MID1: variants seen among roughly 807,000 people sequenced by gnomAD.
The protein encoded by MID1 is midline 1.
Under a neutral mutation model 40.4 loss-of-function variants are expected in MID1, and 7 were observed. The observed-to-expected ratio is 0.17, with a 90% CI of 0.10 to 0.33. The LOEUF (loss-of-function observed/expected upper bound fraction) is 0.33. Among genes scored for constraint, MID1 ranks in the 10% least tolerant of loss-of-function variants. The probability of loss-of-function intolerance (pLI) is 1.00; values close to 1 mark genes in which losing one functional copy is unlikely to be tolerated. For synonymous variants in MID1, 229 were observed against 221.2 expected (o/e 1.04, Z -0.31); for missense variants, 367 against 558.5 (o/e 0.66, Z 3.46).
intron 1 of MID1, among the ~76,000 whole-genome samples, chrX:10,650,757 C>T (rs1332618513): frequency 1.8e-5 from 2 of 111,766 alleles, no homozygotes; most frequent in African/African-American, 6.5e-5. Context: ...CCCCTGCCCA[C>T]GGTAGTAATA....
At chrX:10,488,932 T>C in intron 4 of MID1, among the ~76,000 whole-genome samples, 1 of 111,276 alleles carries the variant, frequency 9.0e-6, no homozygotes, top group Non-Finnish European at 1.9e-5. Context: ...TTGTGGGACT[T>C]TGTGATTGTG....
intron 1 of MID1, among the ~76,000 whole-genome samples, chrX:10,728,518 T>C (rs2043415800): frequency 8.9e-6 from 1 of 112,537 alleles, no homozygotes; most frequent in Non-Finnish European, 1.9e-5. Context: ...TAATGTTTGC[T>C]TCTATTATAT....
intron 1 of MID1, among the ~76,000 whole-genome samples, chrX:10,768,774 G>A (rs982504096): frequency 9.0e-6 from 1 of 111,648 alleles, no homozygotes; most frequent in African/African-American, 3.3e-5. Context: ...GGACATTTCC[G>A]GCAGGGTTAT....
upstream of MID1, among the ~76,000 whole-genome samples, chrX:10,620,791 C>T (rs937909774): frequency 1.8e-5 from 2 of 112,350 alleles, no homozygotes; most frequent in Non-Finnish European, 3.8e-5. Flanking sequence ...TCTAGTTCTG[C>T]TAAAAGCTTA....
chrX:10,535,800 G>C (rs752618045), intron 2 of MID1, among the ~76,000 whole-genome samples: 1 of 112,010 alleles, frequency 8.9e-6, no homozygotes, highest in East Asian at 2.8e-4. Flanking sequence ...AAATTCTGAC[G>C]ACAAAAGAAT....
chrX:10,736,056 A>T (rs1219558221), intron 1 of MID1, among the ~76,000 whole-genome samples: 1 of 112,101 alleles, frequency 8.9e-6, no homozygotes, highest in Non-Finnish European at 1.9e-5. Context: ...GTTAGTTATG[A>T]TATCTTTAAT....
intron 2 of MID1, among the ~76,000 whole-genome samples, chrX:10,525,556 C>G (rs1932814141): frequency 8.9e-6 from 1 of 112,402 alleles, no homozygotes; most frequent in Non-Finnish European, 1.9e-5. Flanking sequence ...TGTCTGACAG[C>G]TCATACGATG....
chrX:10,589,714 G>A (rs1161898922), intron 1 of MID1: 1 of 110,484 alleles, frequency 9.1e-6, no homozygotes, highest in African/African-American at 3.3e-5. Flanking sequence ...TGCCTACCCG[G>A]GAGCGCTCTC....
intron 4 of MID1, among the ~76,000 whole-genome samples, chrX:10,483,696 G>C (rs933881441): frequency 8.9e-6 from 1 of 111,959 alleles, no homozygotes; most frequent in African/African-American, 3.2e-5. Flanking sequence ...CTGGCCCAAG[G>C]CTCTCTCCAG....
At chrX:10,659,585 T>C (rs2042897851) in intron 1 of MID1, among the ~76,000 whole-genome samples, 1 of 112,101 alleles carries the variant, frequency 8.9e-6, no homozygotes, top group Non-Finnish European at 1.9e-5. Flanking sequence ...ATTAAAATTA[T>C]TTATGTTTTT....
chrX:10,482,405 G>A, intron 5 of MID1, 75 bp downstream of exon 5: 1 of 1,073,750 alleles, frequency 9.3e-7, no homozygotes. Flanking sequence ...AGCAAGGCGA[G>A]GGCAAGACCA....
At chrX:10,513,539 G>A (rs1352491720) in intron 3 of MID1, among the ~76,000 whole-genome samples, 2 of 112,111 alleles carry the variant, frequency 1.8e-5, no homozygotes, top group African/African-American at 3.2e-5. Context: ...GACAGAGTCT[G>A]GCTCTATTGC....
Position 10,449,410 on chromosome X carries a change from G to A in MID1, c.1962C>T (p.Leu654=). The A allele has an allele frequency of 8.3e-7, 1 of 1,211,766 alleles. No individual in the cohort carries two copies. Among genetic ancestry groups the A allele is most frequent in the Non-Finnish European group, 1.1e-6 (1 of 895,470 alleles). Residue 654 remains leucine (L), a synonymous_variant, in exon 10 of 10, where the codon CTC becomes CTT. Transcript: ENST00000317552. Reference sequence around the variant, plus strand: ...TGCAGTCCAAATGGTCTGGGATAGGGAGCCCAGTGATAATCGTCAGACACT... The same window carrying A: ...TGCAGTCCAAATGGTCTGGGATAGGAAGCCCAGTGATAATCGTCAGACACT... ...WNKCLTIITG[L]PIPDHLDCTE... is the part of the protein sequence containing the mutation.
At chrX:10,516,464 G>A (rs1932419625) in intron 3 of MID1, among the ~76,000 whole-genome samples, 1 of 110,161 alleles carries the variant, frequency 9.1e-6, no homozygotes. Context: ...AAAGTGCTGG[G>A]ATTACAGGCG....
Position 10,449,337 on chromosome X carries a change from C to T in MID1, c.*31G>A, listed in dbSNP as rs185219958. 756 of 1,140,465 alleles carry T rather than the reference C, an allele frequency of 6.6e-4. 4 individuals are homozygous for T. The African/African-American group carries it at 0.012, about 17-fold the overall frequency. The allele number at this position is 1,140,465 out of a possible 1,213,427, so 94.0% of individuals were successfully genotyped here. A position where few individuals can be genotyped will look rare whatever the true frequency, so the allele number is the denominator to read the frequency against. On this transcript the variant is annotated 3_prime_UTR_variant, in exon 10 of 10. Transcript: ENST00000317552. ...AAATAGTGGCCTGAACCTTACTGTT[C>T]CCCAGAAAGCAGCTCCATGTGGCCA...
intron 3 of MID1, among the ~76,000 whole-genome samples, chrX:10,510,093 C>T (rs949801742): frequency 2.7e-5 from 3 of 111,907 alleles, no homozygotes; most frequent in Admixed American, 1.9e-4. Context: ...TAATCACTCT[C>T]GGGAGTCCTT....
chrX:10,797,879 G>T (rs1247556826), intron 1 of MID1, among the ~76,000 whole-genome samples: 1 of 111,689 alleles, frequency 9.0e-6, no homozygotes, highest in African/African-American at 3.3e-5. Flanking sequence ...AGTCAATCCT[G>T]TTTTCTTCTC....
intron 1 of MID1, chrX:10,582,678 C>G (rs769121969): frequency 6.0e-4 from 67 of 112,113 alleles, no homozygotes; most frequent in Middle Eastern, 4.6e-3. Context: ...GGAAAATTGG[C>G]AGAAAGCAGG....
At chrX:10,712,332 G>C (rs1474988742) in intron 1 of MID1, among the ~76,000 whole-genome samples, 6 of 111,389 alleles carry the variant, frequency 5.4e-5, no homozygotes, top group Non-Finnish European at 7.5e-5. Flanking sequence ...AGTTGGGCAA[G>C]TGGGTTCAAG....
Sources: allele counts gnomAD v4.1 joint callset (sites outside exome capture counted in the v4.1 genomes callset), GRCh38; gene constraint gnomAD v4.1.1; transcripts MANE v1.5; gene names NCBI Gene and HGNC (gene_info 2026-07-23, HGNC 2026-07-21).